The following AKT3 variants were observed in gnomAD, a reference collection of about 807,000 sequenced individuals.
AKT3 encodes the protein AKT serine/threonine kinase 3.
Under a neutral mutation model 65.3 loss-of-function variants are expected in AKT3, and 15 were observed. That is an observed-to-expected ratio of 0.23 (90% CI 0.15 to 0.35). The LOEUF (loss-of-function observed/expected upper bound fraction) is 0.35, where lower values mean the gene tolerates loss of function less well. Among genes scored for constraint, AKT3 ranks in the 10% least tolerant of loss-of-function variants. The probability of loss-of-function intolerance (pLI) is 1.00; values close to 1 mark genes in which losing one functional copy is unlikely to be tolerated. For synonymous variants in AKT3, 206 were observed against 183.8 expected (o/e 1.12, Z -0.98); for missense variants, 243 against 576.5 (o/e 0.42, Z 5.92).
chr1:243,781,318 G>C (rs182415338), intron 2 of AKT3, among the ~76,000 whole-genome samples: 1 of 152,198 alleles, frequency 6.6e-6, no homozygotes, highest in Non-Finnish European at 1.5e-5. Context: ...ACTTAAGACT[G>C]TCTCCAACTT....
At chr1:243,765,539 C>A (rs544733266) in intron 2 of AKT3, among the ~76,000 whole-genome samples, 1 of 151,894 alleles carries the variant, frequency 6.6e-6, no homozygotes, top group Non-Finnish European at 1.5e-5. Flanking sequence ...TACATTCTAG[C>A]GGGATTGAAA....
chr1:243,765,577 T>C (rs1689771103), intron 2 of AKT3, among the ~76,000 whole-genome samples: 2 of 152,186 alleles, frequency 1.3e-5, no homozygotes. Context: ...AAATAAGTTA[T>C]ATGATGTATT....
chr1:243,521,514 G>A (rs937115519), intron 12 of AKT3, among the ~76,000 whole-genome samples: 2 of 152,146 alleles, frequency 1.3e-5, no homozygotes, highest in African/African-American at 4.8e-5. Context: ...ACATTATTTA[G>A]TTACTTTGTA....
chr1:243,499,205 C>T (rs1355671976), downstream of AKT3, among the ~76,000 whole-genome samples: 1 of 152,214 alleles, frequency 6.6e-6, no homozygotes, highest in African/African-American at 2.4e-5. Flanking sequence ...TAAGAGACCT[C>T]AGTACACCCA....
chr1:243,684,545 T>C (rs544228018), intron 3 of AKT3, among the ~76,000 whole-genome samples: 51 of 152,354 alleles, frequency 3.3e-4, no homozygotes, highest in Admixed American at 4.6e-4. Flanking sequence ...ATTTTCTTCA[T>C]CCAGTCTATC....
chr1:243,636,269 G>T (rs1409748987), intron 6 of AKT3, among the ~76,000 whole-genome samples: 1 of 151,850 alleles, frequency 6.6e-6, no homozygotes, highest in Non-Finnish European at 1.5e-5. Context: ...AATTTAATTT[G>T]TTAAGTTTAT....
At chr1:243,682,170 G>A (rs986719666) in intron 3 of AKT3, among the ~76,000 whole-genome samples, 4 of 151,768 alleles carry the variant, frequency 2.6e-5, no homozygotes, top group Non-Finnish European at 2.9e-5. Context: ...TAATCTATAC[G>A]TTTAATAAGG....
chr1:243,535,995 C>T lies in AKT3; in HGVS notation c.1251+9515G>A, dbSNP rs529174851. On this transcript the variant is annotated intron_variant, in intron 12 of 13. Coordinates refer to ENST00000673466, the MANE Select transcript of AKT3 (RefSeq NM_005465.7). The stretch of plus-strand genomic sequence containing the variant: ...ATTTGTGATGTTGAACATTTTTTCC[C>T]ATGTTTGTTGGCCATTTGCACATAT... 1.4e-4 allele frequency among the ~76,000 whole-genome samples: 22 copies of T among 152,094 alleles called. 1 individual carries two copies. The highest frequency in any genetic ancestry group is 2.5e-4 in the Non-Finnish European group (17 of 67,956).
intron 2 of AKT3, among the ~76,000 whole-genome samples, chr1:243,779,023 TA>T (rs758218538): frequency 5.9e-5 from 9 of 152,128 alleles, no homozygotes; most frequent in African/African-American, 9.7e-5. Context: ...GCCAATTTCC[TA>T]TTAATGGACA....
intron 11 of AKT3, 35 bp downstream of exon 11, chr1:243,552,694 C>A: frequency 6.4e-7 from 1 of 1,561,652 alleles, no homozygotes; most frequent in Non-Finnish European, 8.8e-7. Context: ...TAACCACATT[C>A]ATCAGTAATT....
At chr1:243,806,125 A>C (rs1423714907) in intron 2 of AKT3, among the ~76,000 whole-genome samples, 2 of 152,146 alleles carry the variant, frequency 1.3e-5, no homozygotes, top group African/African-American at 2.4e-5. Flanking sequence ...TCCTCTGTGA[A>C]GCCTTTCCTG....
At chr1:243,660,317 T>C (rs1267686188) in intron 4 of AKT3, among the ~76,000 whole-genome samples, 1 of 152,218 alleles carries the variant, frequency 6.6e-6, no homozygotes, top group South Asian at 2.1e-4. Context: ...CTGTGGGATC[T>C]GTGGTGATAT....
chr1:243,751,353 C>A (rs1688801085), intron 2 of AKT3, among the ~76,000 whole-genome samples: 1 of 152,260 alleles, frequency 6.6e-6, no homozygotes, highest in Non-Finnish European at 1.5e-5. Flanking sequence ...AGCAGACATT[C>A]ATGCCAAACG....
intron 2 of AKT3, among the ~76,000 whole-genome samples, chr1:243,789,929 T>C (rs1212979771): frequency 6.6e-6 from 1 of 152,210 alleles, no homozygotes; most frequent in East Asian, 1.9e-4. Context: ...TTGAAAGGAA[T>C]CTTTCTGAGC....
intron 2 of AKT3, among the ~76,000 whole-genome samples, chr1:243,823,245 CT>C (rs1041856626): frequency 1.3e-5 from 2 of 152,146 alleles, no homozygotes; most frequent in Non-Finnish European, 2.9e-5. Context: ...ATGTTAAAAA[CT>C]CTCAATAAAT....
intron 13 of AKT3, among the ~76,000 whole-genome samples, chr1:243,509,811 C>A (rs184402414): frequency 2.6e-5 from 4 of 152,070 alleles, no homozygotes; most frequent in Non-Finnish European, 5.9e-5. Flanking sequence ...CTCAGGCACA[C>A]GGGAGGACAA....
chr1:243,610,070 T>C (rs1341885586), intron 8 of AKT3, among the ~76,000 whole-genome samples: 6 of 152,212 alleles, frequency 3.9e-5, no homozygotes, highest in African/African-American at 1.4e-4. Flanking sequence ...ATGCCCTAGA[T>C]ATCTACCAGA....
chr1:243,515,867 G>A (rs553530166), intron 12 of AKT3, among the ~76,000 whole-genome samples: 1 of 152,072 alleles, frequency 6.6e-6, no homozygotes, highest in African/African-American at 2.4e-5. Context: ...GCAGGTGCCT[G>A]TAGTCCCAGC....
chr1:243,744,412 T>C (rs1176955301), intron 2 of AKT3, among the ~76,000 whole-genome samples: 1 of 152,178 alleles, frequency 6.6e-6, no homozygotes, highest in Non-Finnish European at 1.5e-5. Flanking sequence ...TCTTTCACTT[T>C]TATGTATCTC....
Sources: allele counts gnomAD v4.1 joint callset (sites outside exome capture counted in the v4.1 genomes callset), GRCh38; gene constraint gnomAD v4.1.1; transcripts MANE v1.5; gene names NCBI Gene and HGNC (gene_info 2026-07-23, HGNC 2026-07-21).